Variants in LEF1 observed in about 807,000 individuals in gnomAD.
The protein encoded by LEF1 is lymphoid enhancer binding factor 1.
A neutral mutation model predicts 51.2 loss-of-function variants in LEF1; 14 were observed. That is an observed-to-expected ratio of 0.27 (90% CI 0.18 to 0.43). The LOEUF is 0.43. Ranked by LOEUF, LEF1 falls within the 20% of genes least tolerant of loss-of-function variation. The pLI, the probability that LEF1 is intolerant of heterozygous loss-of-function variation, is 1.00. For synonymous variants in LEF1, 185 were observed against 183.2 expected (o/e 1.01, Z -0.08); for missense variants, 386 against 512.0 (o/e 0.75, Z 2.37).
intron 11 of LEF1, among the ~76,000 whole-genome samples, chr4:108,058,273 A>G (rs1737437810): frequency 6.6e-6 from 1 of 152,190 alleles, no homozygotes; most frequent in African/African-American, 2.4e-5. Context: ...TTTTCAATCT[A>G]TATAATTTAA....
At position 108,139,685 on chromosome 4, in the gene LEF1, C is replaced by A. The variant is rs192648663; in HGVS notation, c.414+23883G>T. 1.9e-3 allele frequency among the ~76,000 whole-genome samples: 290 copies of A among 152,274 alleles called. 2 individuals carry two copies. Among genetic ancestry groups the A allele is most frequent in the African/African-American group, 6.5e-3 (272 of 41,548 alleles). On this transcript the variant is annotated intron_variant, in intron 3 of 11. Coordinates refer to ENST00000265165, the MANE Select transcript of LEF1 (RefSeq NM_016269.5). Reference sequence around the variant, plus strand: ...ATATGTGCTGCCATTTTGTGAGAGACCTTTAGGGACGTTAATAGAGGAACT... The same window carrying A: ...ATATGTGCTGCCATTTTGTGAGAGAACTTTAGGGACGTTAATAGAGGAACT...
chr4:108,086,292 G>C (rs1025716305), intron 4 of LEF1, among the ~76,000 whole-genome samples: 1 of 152,002 alleles, frequency 6.6e-6, no homozygotes, highest in Non-Finnish European at 1.5e-5. Flanking sequence ...GTCTCACTCT[G>C]TTGCCCAGGC....
intron 2 of LEF1, among the ~76,000 whole-genome samples, chr4:108,163,962 T>A (rs1236974708): frequency 6.6e-6 from 1 of 152,228 alleles, no homozygotes; most frequent in Non-Finnish European, 1.5e-5. Context: ...TTTACAAAAA[T>A]AAGTGTTATC....
chr4:108,101,742 A>G (rs1318654809), intron 3 of LEF1, among the ~76,000 whole-genome samples: 2 of 152,172 alleles, frequency 1.3e-5, no homozygotes, highest in Admixed American at 1.3e-4. Flanking sequence ...TCAACACTCT[A>G]ATATTTTGTA....
At chr4:108,081,812 G>T (rs1175491812) in intron 5 of LEF1, 143 bp from the exon 6 acceptor site, 1 of 638,246 alleles carries the variant, frequency 1.6e-6, no homozygotes, top group African/African-American at 1.8e-5. Context: ...TTTCAGAAAC[G>T]TAACCGTTCC....
intron 3 of LEF1, among the ~76,000 whole-genome samples, chr4:108,121,509 T>G (rs1275995552): frequency 6.6e-6 from 1 of 152,216 alleles, no homozygotes; most frequent in African/African-American, 2.4e-5. Context: ...CAGATACCAA[T>G]GCACAAGCCA....
chr4:108,099,422 G>A (rs1208499564), intron 3 of LEF1, among the ~76,000 whole-genome samples: 1 of 151,002 alleles, frequency 6.6e-6, no homozygotes, highest in African/African-American at 2.4e-5. Context: ...GAAAATCAGA[G>A]AAGGTAAGTG....
intron 9 of LEF1, among the ~76,000 whole-genome samples, chr4:108,064,792 C>G (rs978074430): frequency 2.0e-5 from 3 of 152,042 alleles, no homozygotes; most frequent in Admixed American, 1.3e-4. Flanking sequence ...GGCCATAGGA[C>G]CCTCTTCAAG....
chr4:108,137,235 A>G (rs1040697540), intron 3 of LEF1, among the ~76,000 whole-genome samples: 1 of 152,228 alleles, frequency 6.6e-6, no homozygotes, highest in Non-Finnish European at 1.5e-5. Flanking sequence ...AGGCGTAAGA[A>G]TAATACAATG....
At chr4:108,059,613 T>G (rs986352713) in intron 11 of LEF1, among the ~76,000 whole-genome samples, 8 of 152,078 alleles carry the variant, frequency 5.3e-5, no homozygotes, top group Non-Finnish European at 1.2e-4. Context: ...AGCCACTGCT[T>G]CTAGCCTAGC....
chr4:108,166,556 G>A (rs1460654890), intron 1 of LEF1: 8 of 1,246,854 alleles, frequency 6.4e-6, no homozygotes, highest in Non-Finnish European at 8.1e-6. Flanking sequence ...CCGCCCCCTA[G>A]ACCAGCTCTG....
rs150769050 is a variant in LEF1 at position 108,136,384 on chromosome 4, T to C, written c.414+27184A>G. ...GGCTATTTGACCAAGTATTCTAAAATCAAAGGATTAATCTTTATAAAAACA... is the reference window on the plus strand; with the variant it reads ...GGCTATTTGACCAAGTATTCTAAAACCAAAGGATTAATCTTTATAAAAACA... On this transcript the variant is annotated intron_variant, in intron 3 of 11. Coordinates refer to ENST00000265165, the MANE Select transcript of LEF1 (RefSeq NM_016269.5). Among the ~76,000 whole-genome samples the C allele has an allele frequency of 2.5e-4, 38 of 152,036 alleles. No homozygotes were observed. The East Asian group carries it at 7.4e-3, about 29-fold the overall frequency.
In LEF1 at chr4:108,167,525, C is replaced by T. The variant is rs1275961679; in HGVS notation, c.213+30G>A. 6.2e-7 allele frequency: 1 copy of T among 1,610,226 alleles called. No homozygotes were observed. The highest frequency in any genetic ancestry group is 8.5e-7 in the Non-Finnish European group (1 of 1,177,480). On this transcript the variant is annotated intron_variant, in intron 1 of 11. Coordinates refer to ENST00000265165, the MANE Select transcript of LEF1 (RefSeq NM_016269.5). The surrounding 1 kb of genome is among the most constrained non-coding windows in gnomAD (Gnocchi z 5.7). ...TGAGTTTCCCAGGGACCCGCCACGCCTCTCGGAACTGGGGCAGCGGCCCGC... is the reference window on the plus strand; with the variant it reads ...TGAGTTTCCCAGGGACCCGCCACGCTTCTCGGAACTGGGGCAGCGGCCCGC...
chr4:108,123,398 T>G (rs995411676), intron 3 of LEF1, among the ~76,000 whole-genome samples: 1 of 151,424 alleles, frequency 6.6e-6, no homozygotes, highest in Non-Finnish European at 1.5e-5. Flanking sequence ...TCTAAAGATA[T>G]AGCCTTTGGG....
At chr4:108,057,268 A>C (rs770058328) in intron 11 of LEF1, among the ~76,000 whole-genome samples, 3 of 152,126 alleles carry the variant, frequency 2.0e-5, no homozygotes, top group Non-Finnish European at 4.4e-5. Flanking sequence ...AAGACTTAAG[A>C]GTTCTTCAGC....
At chr4:108,135,398 G>A (rs900568901) in intron 3 of LEF1, among the ~76,000 whole-genome samples, 3 of 152,170 alleles carry the variant, frequency 2.0e-5, no homozygotes, top group Non-Finnish European at 2.9e-5. Context: ...TGTTTAGCCT[G>A]GAAGAGTGAT....
chr4:108,125,361 C>T (rs1212634968), intron 3 of LEF1, among the ~76,000 whole-genome samples: 3 of 152,082 alleles, frequency 2.0e-5, no homozygotes, highest in Non-Finnish European at 2.9e-5. Context: ...TGGGGTTTTG[C>T]CATGTTGGCC....
At chr4:108,120,829 T>C (rs1043159134) in intron 3 of LEF1, among the ~76,000 whole-genome samples, 1 of 152,222 alleles carries the variant, frequency 6.6e-6, no homozygotes, top group Non-Finnish European at 1.5e-5. Context: ...AAGCTTATGT[T>C]GCGGAATACA....
At chr4:108,086,328 G>A (rs984529370) in intron 4 of LEF1, among the ~76,000 whole-genome samples, 2 of 152,014 alleles carry the variant, frequency 1.3e-5, no homozygotes, top group Non-Finnish European at 2.9e-5. Context: ...GGCCTCAAGC[G>A]ATCCTTGCGT....
Sources: allele counts gnomAD v4.1 joint callset (sites outside exome capture counted in the v4.1 genomes callset), GRCh38; gene constraint gnomAD v4.1.1; non-coding constraint Gnocchi (gnomAD v3.1); transcripts MANE v1.5; gene names NCBI Gene and HGNC (gene_info 2026-07-23, HGNC 2026-07-21).